Variants in WDPCP observed in about 807,000 individuals in gnomAD.
WDPCP encodes WD repeat containing planar cell polarity effector.
A neutral mutation model predicts 93.1 loss-of-function variants in WDPCP; 71 were observed. The ratio of observed to expected loss-of-function variants is 0.76; its 90% CI spans 0.63 to 0.93. The LOEUF is 0.93. WDPCP is among the 40% of genes least tolerant of loss of function. WDPCP has a pLI of 0.00. For missense variants in WDPCP, 844 were observed against 887.4 expected, an observed-to-expected ratio of 0.95 and a Z score of 0.62; for synonymous variants, 315 against 315.0, an observed-to-expected ratio of 1.00 and a Z score of 0.00.
intron 17 of WDPCP, among the ~76,000 whole-genome samples, chr2:63,134,621 G>A (rs575760995): frequency 1.8e-4 from 28 of 152,002 alleles, no homozygotes; most frequent in Non-Finnish European, 3.7e-4. Context: ...TTTTGTTCTT[G>A]GTATCAAATA....
intron 1 of WDPCP, among the ~76,000 whole-genome samples, chr2:63,525,123 T>C (rs890717368): frequency 6.6e-6 from 1 of 152,236 alleles, no homozygotes; most frequent in Admixed American, 6.5e-5. Flanking sequence ...GAGGTCATTA[T>C]CGTAAACAAA....
rs1054134798 is a variant in WDPCP, at chr2:63,359,284, T to C, written c.1748+19102A>G. On this transcript the variant is annotated intron_variant, in intron 12 of 17. Coordinates refer to ENST00000272321, the MANE Select transcript of WDPCP (RefSeq NM_015910.7). The stretch of plus-strand genomic sequence containing the variant: ...CTCTCATGCTTAAGACGTGCAACCT[T>C]GCATTTCCAAGGAAAAATCCATAAA... Among the ~76,000 whole-genome samples the C allele has an allele frequency of 2.6e-5, 4 of 152,346 alleles. No individual in the cohort carries two copies. In the South Asian group the frequency reaches 8.3e-4, roughly 32 times the overall value.
chr2:63,326,021 G>A (rs573803415), intron 12 of WDPCP, among the ~76,000 whole-genome samples: 1 of 152,316 alleles, frequency 6.6e-6, no homozygotes, highest in Admixed American at 6.5e-5. Flanking sequence ...TTGCAGCGGT[G>A]GCTGTCTTAG....
At chr2:63,450,486 C>A (rs1232881044) in intron 6 of WDPCP, among the ~76,000 whole-genome samples, 3 of 152,172 alleles carry the variant, frequency 2.0e-5, no homozygotes, top group Non-Finnish European at 4.4e-5. Context: ...ACACACCTGG[C>A]CCACCACTGC....
At chr2:63,681,250 G>A (rs760752351) in intron 2 of WDPCP, among the ~76,000 whole-genome samples, 1 of 152,206 alleles carries the variant, frequency 6.6e-6, no homozygotes, top group South Asian at 2.1e-4. Flanking sequence ...AGAGTTCCCA[G>A]TTCCAGGACT....
At chr2:63,143,246 C>G (rs1437763667) in intron 17 of WDPCP, among the ~76,000 whole-genome samples, 1 of 152,108 alleles carries the variant, frequency 6.6e-6, no homozygotes, top group East Asian at 1.9e-4. Context: ...TGCCCCTGCT[C>G]GCTTTTGGTG....
intron 10 of WDPCP, 169 bp downstream of exon 10, chr2:63,403,879 G>T: frequency 1.2e-6 from 1 of 847,992 alleles, no homozygotes; most frequent in Non-Finnish European, 1.8e-6. Flanking sequence ...TGTTCCTTTG[G>T]CAGTTAGAAA....
chr2:63,459,351 A>G (rs1406564513), intron 6 of WDPCP, among the ~76,000 whole-genome samples: 2 of 152,138 alleles, frequency 1.3e-5, no homozygotes, highest in South Asian at 4.1e-4. Context: ...AGCACATACA[A>G]GGAATTCAGA....
intron 10 of WDPCP, among the ~76,000 whole-genome samples, chr2:63,392,025 G>GA (rs1342392660): frequency 1.3e-5 from 2 of 152,078 alleles, no homozygotes; most frequent in Non-Finnish European, 2.9e-5. Context: ...CACAGAATTG[G>GA]AAAAAACTAC....
chr2:63,210,524 G>A (rs538649939), intron 14 of WDPCP, among the ~76,000 whole-genome samples: 7 of 152,270 alleles, frequency 4.6e-5, no homozygotes, highest in South Asian at 2.1e-4. Flanking sequence ...ATTTCCCACC[G>A]TGAGTGATGC....
At position 63,303,970 on chromosome 2, in the gene WDPCP, C is replaced by CAAAA. The variant is rs34553510; in HGVS notation, c.1812+9274_1812+9277dup. Among the ~76,000 whole-genome samples, 332 of 131,310 alleles carry CAAAA rather than the reference C, an allele frequency of 2.5e-3. 3 individuals carry two copies. Among genetic ancestry groups the CAAAA allele is most frequent in the Non-Finnish European group, 4.4e-3 (268 of 61,344 alleles). 86.1% of individuals were successfully genotyped at this position (131,310 alleles called of 152,430 possible). A position where few individuals can be genotyped will look rare whatever the true frequency, so the allele number is the denominator to read the frequency against. On this transcript the variant is annotated intron_variant, in intron 13 of 17. Coordinates refer to ENST00000272321, the MANE Select transcript of WDPCP (RefSeq NM_015910.7). ...CTCAGAATGGCTATTAGTAAAAAGT[C>CAAAA]AAAAAAAAAAAAAAAACAGATGTAG...
At chr2:63,301,145 C>T (rs1184745789) in intron 13 of WDPCP, among the ~76,000 whole-genome samples, 2 of 152,210 alleles carry the variant, frequency 1.3e-5, no homozygotes, top group African/African-American at 2.4e-5. Context: ...ACAAAATACC[C>T]TAGCCTCTCA....
rs115831962 is a variant in WDPCP at position 63,172,502 on chromosome 2, C to T, written c.2078+2168G>A. 8.1e-3 allele frequency among the ~76,000 whole-genome samples: 1,222 copies of T among 151,764 alleles called. 17 individuals are homozygous for T. Among genetic ancestry groups the T allele is most frequent in the African/African-American group, 0.029 (1,189 of 41,376 alleles). ...CAGCTTGGGTGACAGACTGAGATGC[C>T]GCCCCCCACCCCTCCAAAAAATAAT... On this transcript the variant is annotated intron_variant, in intron 15 of 17. Transcript: ENST00000272321.
chr2:63,177,716 C>G (rs1673924453), intron 14 of WDPCP, among the ~76,000 whole-genome samples: 1 of 152,010 alleles, frequency 6.6e-6, no homozygotes, highest in African/African-American at 2.4e-5. Context: ...TTTTATTTCA[C>G]TTGCATAATT....
At chr2:63,784,281 G>T (rs1670438302) in intron 2 of WDPCP, among the ~76,000 whole-genome samples, 1 of 152,152 alleles carries the variant, frequency 6.6e-6, no homozygotes, top group Non-Finnish European at 1.5e-5. Flanking sequence ...GAAGCAGTTA[G>T]AAGGGCATTC....
At chr2:63,793,870 TTGTGTGTGTGTGTGTG>T (rs35714297) in intron 2 of WDPCP, among the ~76,000 whole-genome samples, 4 of 145,268 alleles carry the variant, frequency 2.8e-5, no homozygotes, top group East Asian at 4.1e-4. Context: ...AGTACTTACA[TTGTGTGTGTGTGTGTG>T]TGTGTGTGTG....
At position 63,772,151 on chromosome 2, in the gene WDPCP, A is replaced by G. The variant is rs140459868; in HGVS notation, n.308+41471T>C. 4.1e-3 allele frequency among the ~76,000 whole-genome samples: 631 copies of G among 152,200 alleles called. 3 individuals are homozygous for G. The highest frequency in any genetic ancestry group is 0.014 in the African/African-American group (591 of 41,558). On this transcript the variant is annotated intron_variant and non_coding_transcript_variant, in intron 2 of 4. Coordinates refer to the WDPCP transcript ENST00000467687. ...TTCCACAGTGGCTGAACTAATTTACATTCTCACCAACAGTGTATAAGCATT... is the reference window on the plus strand; with the variant it reads ...TTCCACAGTGGCTGAACTAATTTACGTTCTCACCAACAGTGTATAAGCATT...
At chr2:63,205,403 T>C (rs1676265135) in intron 14 of WDPCP, among the ~76,000 whole-genome samples, 1 of 152,220 alleles carries the variant, frequency 6.6e-6, no homozygotes, top group Admixed American at 6.5e-5. Context: ...ATTGAATATG[T>C]AGATTGTTTT....
intron 1 of WDPCP, among the ~76,000 whole-genome samples, chr2:63,815,050 A>C (rs1187068566): frequency 6.6e-6 from 1 of 152,342 alleles, no homozygotes; most frequent in South Asian, 2.1e-4. Flanking sequence ...TAGACATTGC[A>C]AAAGACTGGA....
Sources: gnomAD v4.1 joint callset for allele counts (sites outside exome capture counted in the v4.1 genomes callset) on GRCh38, gnomAD v4.1.1 for gene constraint, MANE v1.5 for transcripts, NCBI Gene and HGNC (gene_info 2026-07-23, HGNC 2026-07-21) for gene names.